Variants in EYS observed in about 807,000 individuals in gnomAD.
EYS encodes the protein protein eyes shut homolog.
EYS carries 250 observed loss-of-function variants against 282.1 expected under a neutral mutation model. That is an observed-to-expected ratio of 0.89 (90% CI 0.80 to 0.98). EYS has a LOEUF of 0.98. Among genes scored for constraint, EYS ranks in the 50% least tolerant of loss-of-function variants. The pLI is 0.00. For synonymous variants in EYS, 1,355 were observed against 1,282.9 expected (o/e 1.06, Z -1.20); for missense variants, 4,016 against 3,709.0 (o/e 1.08, Z -2.15).
chr6:65,270,583 CT>C (rs1347065334), intron 12 of EYS, among the ~76,000 whole-genome samples: 1 of 152,024 alleles, frequency 6.6e-6, no homozygotes, highest in Non-Finnish European at 1.5e-5. Flanking sequence ...ATTTCTAGTT[CT>C]TTTTTTCTTA....
chr6:64,614,791 G>A lies in EYS; in HGVS notation c.3684+2627C>T, dbSNP rs533931343. 6.6e-4 allele frequency among the ~76,000 whole-genome samples: 100 copies of A among 152,166 alleles called. 3 individuals are homozygous for A. In the South Asian group the frequency reaches 0.02, roughly 31 times the overall value. ...GAATAGATCATGTAACTTATTGAATGCTGTGCTAAAAGTAAAAAGCAGAAG... is the reference window on the plus strand; with the variant it reads ...GAATAGATCATGTAACTTATTGAATACTGTGCTAAAAGTAAAAAGCAGAAG... On this transcript the variant is annotated intron_variant, in intron 24 of 42. Coordinates refer to ENST00000503581, the MANE Select transcript of EYS (RefSeq NM_001142800.2).
At chr6:64,874,082 A>G (rs1766672285) in intron 19 of EYS, among the ~76,000 whole-genome samples, 1 of 152,094 alleles carries the variant, frequency 6.6e-6, no homozygotes, top group Non-Finnish European at 1.5e-5. Context: ...GTATGAAACC[A>G]CAGCACATTT....
intron 26 of EYS, among the ~76,000 whole-genome samples, chr6:64,446,433 C>A (rs1582762708): frequency 1.3e-5 from 2 of 151,826 alleles, no homozygotes; most frequent in African/African-American, 2.4e-5. Context: ...AGAAAATACA[C>A]CAAATGAGTA....
At chr6:65,035,410 G>T (rs1772736246) in intron 13 of EYS, among the ~76,000 whole-genome samples, 1 of 151,928 alleles carries the variant, frequency 6.6e-6, no homozygotes, top group African/African-American at 2.4e-5. Context: ...AAGTCACCAT[G>T]ATATGATTGT....
chr6:64,724,577 C>G (rs988275902), intron 22 of EYS, among the ~76,000 whole-genome samples: 3 of 152,162 alleles, frequency 2.0e-5, no homozygotes, highest in Non-Finnish European at 4.4e-5. Flanking sequence ...TAGTTTACAT[C>G]TGAAGTCAGA....
chr6:64,863,646 C>A (rs775398535), intron 19 of EYS, among the ~76,000 whole-genome samples: 1 of 152,090 alleles, frequency 6.6e-6, no homozygotes, highest in Non-Finnish European at 1.5e-5. Context: ...CATTATATAG[C>A]AATAGTAGCT....
intron 11 of EYS, among the ~76,000 whole-genome samples, chr6:65,333,304 A>G (rs1264396250): frequency 1.3e-5 from 2 of 151,636 alleles, no homozygotes; most frequent in African/African-American, 4.8e-5. Context: ...TGTTTAATAA[A>G]GATTGTATTA....
intron 41 of EYS, among the ~76,000 whole-genome samples, chr6:63,738,158 C>A (rs1768973203): frequency 1.3e-5 from 2 of 152,102 alleles, no homozygotes; most frequent in South Asian, 4.1e-4. Flanking sequence ...AGTAGTTCAA[C>A]CCTTGTGGAA....
At chr6:63,956,151 G>A (rs996972788) in intron 35 of EYS, among the ~76,000 whole-genome samples, 5 of 152,104 alleles carry the variant, frequency 3.3e-5, no homozygotes, top group Non-Finnish European at 5.9e-5. Flanking sequence ...AATATAAGAA[G>A]ACAGGAATGT....
At chr6:64,909,425 T>G (rs1019655003) in intron 16 of EYS, among the ~76,000 whole-genome samples, 1 of 152,196 alleles carries the variant, frequency 6.6e-6, no homozygotes, top group African/African-American at 2.4e-5. Flanking sequence ...TCTCATAAAA[T>G]GTGCCTTCCT....
intron 14 of EYS, among the ~76,000 whole-genome samples, chr6:64,986,972 A>T (rs775003718): frequency 1.7e-4 from 25 of 151,444 alleles, no homozygotes; most frequent in Non-Finnish European, 3.3e-4. Context: ...CCATTAGAAC[A>T]TCACCTTTCT....
At chr6:65,445,139 G>A (rs925213789) in intron 5 of EYS, among the ~76,000 whole-genome samples, 3 of 151,608 alleles carry the variant, frequency 2.0e-5, no homozygotes, top group African/African-American at 7.3e-5. Flanking sequence ...GATTGTTAAT[G>A]TTTTGATAAT....
chr6:65,531,916 T>C (rs957929391), intron 2 of EYS, among the ~76,000 whole-genome samples: 1 of 152,154 alleles, frequency 6.6e-6, no homozygotes, highest in Non-Finnish European at 1.5e-5. Context: ...CAAGATCTGG[T>C]TGGTGATGTA....
intron 19 of EYS, among the ~76,000 whole-genome samples, chr6:64,853,102 C>T (rs989940622): frequency 1.3e-5 from 2 of 152,048 alleles, no homozygotes; most frequent in Non-Finnish European, 2.9e-5. Context: ...GTGTAGAGTT[C>T]AGTTGATTAA....
intron 31 of EYS, among the ~76,000 whole-genome samples, chr6:64,224,678 A>G (rs191645767): frequency 1.7e-4 from 26 of 152,230 alleles, no homozygotes; most frequent in African/African-American, 6.0e-4. Context: ...ATCTTTGTTT[A>G]TGGAAATGTT....
intron 8 of EYS, among the ~76,000 whole-genome samples, chr6:65,368,313 T>G (rs982635819): frequency 6.6e-6 from 1 of 151,604 alleles, no homozygotes; most frequent in Non-Finnish European, 1.5e-5. Flanking sequence ...TTGTCCTAGA[T>G]CTATTAAGAT....
intron 2 of EYS, among the ~76,000 whole-genome samples, chr6:65,612,445 TA>T: frequency 6.6e-6 from 1 of 151,882 alleles, no homozygotes; most frequent in South Asian, 2.1e-4. Context: ...ATACTAAATT[TA>T]TTATGCACTG....
chr6:64,845,801 G>A (rs1268298043), intron 19 of EYS, among the ~76,000 whole-genome samples: 1 of 152,032 alleles, frequency 6.6e-6, no homozygotes, highest in Non-Finnish European at 1.5e-5. Context: ...GACTCAAAAA[G>A]TAAAATTCTC....
At chr6:64,554,549 A>C (rs1242401619) in intron 26 of EYS, among the ~76,000 whole-genome samples, 1 of 152,080 alleles carries the variant, frequency 6.6e-6, no homozygotes, top group Non-Finnish European at 1.5e-5. Context: ...TAGAAACATA[A>C]ACATAAATGG....
Sources: gnomAD v4.1 joint callset for allele counts (sites outside exome capture counted in the v4.1 genomes callset) on GRCh38, gnomAD v4.1.1 for gene constraint, MANE v1.5 for transcripts, NCBI Gene and HGNC (gene_info 2026-07-23, HGNC 2026-07-21) for gene names.